Variants in CFAP20DC observed in about 807,000 individuals in gnomAD.
CFAP20DC encodes the protein protein CFAP20DC.
CFAP20DC carries 84 observed loss-of-function variants against 101.7 expected under a neutral mutation model. The observed-to-expected ratio is 0.83, with a 90% CI of 0.69 to 0.99. CFAP20DC has a LOEUF of 0.99. Ranked by LOEUF, CFAP20DC falls within the 50% of genes least tolerant of loss-of-function variation. The pLI is 0.00. For synonymous variants in CFAP20DC, 359 were observed against 351.2 expected (o/e 1.02, Z -0.25); for missense variants, 1,007 against 970.3 (o/e 1.04, Z -0.50).
At chr3:58,765,488 A>AAT (rs1559559537) in intron 15 of CFAP20DC, among the ~76,000 whole-genome samples, 9 of 139,652 alleles carry the variant, frequency 6.4e-5, no homozygotes, top group African/African-American at 2.4e-4. Context: ...AAAAAAAAAA[A>AAT]CCAAAAAAAA....
At chr3:58,822,499 A>G (rs2075746857) in intron 14 of CFAP20DC, among the ~76,000 whole-genome samples, 2 of 151,166 alleles carry the variant, frequency 1.3e-5, no homozygotes. Context: ...ATGACGTGTT[A>G]GTGGGTGTAG....
chr3:58,956,042 C>CTGAGGG lies in CFAP20DC; in HGVS notation c.279-18281_279-18280insCCCTCA, dbSNP rs1352096985. Among the ~76,000 whole-genome samples the CTGAGGG allele has an allele frequency of 6.4e-4, 97 of 151,488 alleles. 2 individuals are homozygous for CTGAGGG. In the South Asian group the frequency reaches 0.02, roughly 31 times the overall value. ...TGGCACTGAATAACCAGCAGTGATACCAACATACTACACTGAGGGCCTAAG... is the reference window on the plus strand; with the variant it reads ...TGGCACTGAATAACCAGCAGTGATACTGAGGGCAACATACTACACTGAGGGCCTAAG... On this transcript the variant is annotated intron_variant, in intron 4 of 16. Coordinates refer to ENST00000482387, the MANE Select transcript of CFAP20DC (RefSeq NM_001394063.1).
intron 13 of CFAP20DC, among the ~76,000 whole-genome samples, chr3:58,847,379 A>T (rs1186257196): frequency 1.3e-5 from 2 of 151,684 alleles, no homozygotes; most frequent in Non-Finnish European, 3.0e-5. Context: ...ACTTCTCAAA[A>T]GAAGACATTT....
At chr3:58,944,329 T>A (rs1382995128) in intron 4 of CFAP20DC, among the ~76,000 whole-genome samples, 3 of 152,162 alleles carry the variant, frequency 2.0e-5, no homozygotes, top group African/African-American at 7.2e-5. Context: ...CAGAGAGAAG[T>A]AACTATTCTT....
chr3:58,994,301 C>T (rs1255456008), intron 4 of CFAP20DC, among the ~76,000 whole-genome samples: 4 of 152,158 alleles, frequency 2.6e-5, no homozygotes, highest in African/African-American at 9.7e-5. Context: ...TGCTCACAGG[C>T]CTTTTTCTGC....
intron 3 of CFAP20DC, among the ~76,000 whole-genome samples, chr3:59,039,859 C>T (rs74586918): frequency 0.012 from 1,796 of 151,858 alleles, 36 homozygotes; most frequent in African/African-American, 0.041. Flanking sequence ...CTGTGGCCTT[C>T]GTGAAATTTT....
At chr3:58,991,885 G>T (rs921154096) in intron 4 of CFAP20DC, among the ~76,000 whole-genome samples, 2 of 151,988 alleles carry the variant, frequency 1.3e-5, no homozygotes, top group Non-Finnish European at 2.9e-5. Flanking sequence ...AGTAAATTAG[G>T]TTTTACAACA....
intron 5 of CFAP20DC, among the ~76,000 whole-genome samples, chr3:58,920,369 C>T (rs557562480): frequency 6.6e-6 from 1 of 152,120 alleles, no homozygotes; most frequent in Non-Finnish European, 1.5e-5. Context: ...GTTGGGAATA[C>T]AGGCATGAGC....
intron 3 of CFAP20DC, chr3:58,734,673 A>G (rs1018984896): frequency 2.3e-6 from 1 of 428,786 alleles, no homozygotes; most frequent in African/African-American, 2.0e-5. Context: ...GTTCCCTCTA[A>G]CTTGGTGATT....
intron 3 of CFAP20DC, among the ~76,000 whole-genome samples, chr3:58,733,174 A>G (rs2067678807): frequency 6.6e-6 from 1 of 152,130 alleles, no homozygotes; most frequent in Non-Finnish European, 1.5e-5. Context: ...TCAACTAAAA[A>G]TACAAAAAAT....
chr3:59,020,118 T>C lies in CFAP20DC; in HGVS notation c.278+19439A>G, dbSNP rs1016290366. Among the ~76,000 whole-genome samples, 44 of 152,102 alleles carry C rather than the reference T, an allele frequency of 2.9e-4. 1 individual carries two copies. Among genetic ancestry groups the C allele is most frequent in the Non-Finnish European group, 5.0e-4 (34 of 67,992 alleles). On this transcript the variant is annotated intron_variant, in intron 4 of 16. Transcript: ENST00000482387. The stretch of plus-strand genomic sequence containing the variant: ...TAGATATTTTATGTATATGTTTTTA[T>C]AGGTATTTATGCTAACATGACATGG...
intron 4 of CFAP20DC, among the ~76,000 whole-genome samples, chr3:59,038,767 C>T (rs947222193): frequency 6.6e-6 from 1 of 151,796 alleles, no homozygotes; most frequent in Non-Finnish European, 1.5e-5. Flanking sequence ...GATGGCTTCA[C>T]TGAAAAAAAA....
intron 15 of CFAP20DC, among the ~76,000 whole-genome samples, chr3:58,759,126 A>G (rs2069268484): frequency 2.6e-5 from 4 of 152,204 alleles, no homozygotes; most frequent in East Asian, 1.9e-4. Context: ...GACTTCCACA[A>G]TGGTTGAACT....
At chr3:58,994,697 T>C (rs931422586) in intron 4 of CFAP20DC, among the ~76,000 whole-genome samples, 1 of 152,182 alleles carries the variant, frequency 6.6e-6, no homozygotes, top group African/African-American at 2.4e-5. Flanking sequence ...TATGTTTTAT[T>C]TGAAATGTTA....
Position 58,959,373 on chromosome 3 carries a change from C to T in CFAP20DC, c.279-21611G>A, listed in dbSNP as rs574702309. Among the ~76,000 whole-genome samples the T allele has an allele frequency of 5.9e-5, 9 of 152,338 alleles. No homozygotes were observed. The East Asian group carries it at 1.4e-3, about 23-fold the overall frequency. ...CCTCCCAAAGTGTTGGGATTACAGG[C>T]GTAAGCCACTGCGTCTGGCCAAAGT... On this transcript the variant is annotated intron_variant, in intron 4 of 16. Transcript: ENST00000482387.
At position 58,913,925 on chromosome 3, in the gene CFAP20DC, C is replaced by G; in HGVS notation, c.394-61G>C. 3 of 1,551,548 alleles carry G rather than the reference C, an allele frequency of 1.9e-6. No individual in the cohort carries two copies. Among genetic ancestry groups the G allele is most frequent in the Non-Finnish European group, 2.7e-6 (3 of 1,128,432 alleles). On this transcript the variant is annotated intron_variant, in intron 5 of 16. Coordinates refer to ENST00000482387, the MANE Select transcript of CFAP20DC (RefSeq NM_001394063.1). The surrounding 1 kb of genome is among the most constrained non-coding windows in gnomAD (Gnocchi z 4.4). The stretch of plus-strand genomic sequence containing the variant: ...TTCATCAACACATAAATGAACAAAC[C>G]ATCTATATGTAGACATTCAAAGAGT...
At chr3:58,796,480 C>T (rs977729634) in intron 15 of CFAP20DC, among the ~76,000 whole-genome samples, 4 of 152,014 alleles carry the variant, frequency 2.6e-5, no homozygotes, top group African/African-American at 7.2e-5. Flanking sequence ...TGCTGTGGAT[C>T]GGGGAGGAAA....
At position 58,870,228 on chromosome 3, in the gene CFAP20DC, A is replaced by G; in HGVS notation, c.797T>C (p.Val266Ala). 2.5e-6 allele frequency: 4 copies of G among 1,614,138 alleles called. No individual in the cohort carries two copies. The highest frequency in any genetic ancestry group is 3.4e-6 in the Non-Finnish European group (4 of 1,180,010). The stretch of plus-strand genomic sequence containing the variant: ...GCCAGAGAGTGGAGGTGGCCCAAGA[A>G]CTTTGGATCCAAATGCGATATGACA... ...DVCHIAFGSK[V>A]LGPPPLSGRR... is the part of the protein sequence containing the mutation. Residue 266 changes from valine to alanine, a missense_variant, in exon 8 of 17, where the codon GTT (valine) becomes GCT (alanine). Val to Ala is a moderately conservative substitution (Grantham distance 64, BLOSUM62 0). Coordinates refer to ENST00000482387, the MANE Select transcript of CFAP20DC (RefSeq NM_001394063.1).
intron 15 of CFAP20DC, among the ~76,000 whole-genome samples, chr3:58,791,386 A>T (rs2072840144): frequency 6.6e-6 from 1 of 152,136 alleles, no homozygotes; most frequent in South Asian, 2.1e-4. Context: ...AGATAACTTA[A>T]TTGGGGCTTG....
Sources: gnomAD v4.1 joint callset for allele counts (sites outside exome capture counted in the v4.1 genomes callset) on GRCh38, gnomAD v4.1.1 for gene constraint, Gnocchi (gnomAD v3.1) non-coding constraint, MANE v1.5 for transcripts, NCBI Gene and HGNC (gene_info 2026-07-23, HGNC 2026-07-21) for gene names.